Variants in QTRT2 observed in about 807,000 individuals in gnomAD.
QTRT2 encodes the protein queuine tRNA-ribosyltransferase accessory subunit 2, also known as queuine tRNA-ribosyltransferase domain containing 1.
In QTRT2, 32 loss-of-function variants were observed where a neutral mutation model predicts 44.8. That is an observed-to-expected ratio of 0.71 (90% CI 0.54 to 0.96). QTRT2 has a LOEUF of 0.96. Ranked by LOEUF, QTRT2 falls within the 40% of genes least tolerant of loss-of-function variation. The probability of loss-of-function intolerance (pLI) is 0.00; values close to 1 mark genes in which losing one functional copy is unlikely to be tolerated. For synonymous variants in QTRT2, 182 were observed against 187.4 expected, an observed-to-expected ratio of 0.97 and a Z score of 0.24; for missense variants, 461 against 503.1, an observed-to-expected ratio of 0.92 and a Z score of 0.80.
At chr3:114,067,586 G>C (rs1284392144) in intron 4 of QTRT2, among the ~76,000 whole-genome samples, 2 of 152,166 alleles carry the variant, frequency 1.3e-5, no homozygotes, top group Non-Finnish European at 2.9e-5. Flanking sequence ...TTATTAGTGA[G>C]ATCACTTTGT....
At position 114,079,965 on chromosome 3, in the gene QTRT2, A is replaced by C. The variant is rs769708745; in HGVS notation, c.806A>C (p.Asp269Ala). The C allele has an allele frequency of 6.2e-7, 1 of 1,613,812 alleles. No homozygotes were observed. Among genetic ancestry groups the C allele is most frequent in the Non-Finnish European group, 8.5e-7 (1 of 1,179,808 alleles). The change falls in exon 8 of 10, where the codon GAC becomes GCC. Residue 269 changes from aspartate to alanine, a missense_variant. Transcript: ENST00000281273. Reference sequence around the variant, plus strand: ...CTCGAGTGTATTGAAAGAGGAGTGGACTTATTTGAGAGTTTTTTCCCTTAT... The same window carrying C: ...CTCGAGTGTATTGAAAGAGGAGTGGCCTTATTTGAGAGTTTTTTCCCTTAT... ...EVLECIERGV[D>A]LFESFFPYQV... is the part of the protein sequence containing the mutation.
chr3:114,073,881 T>C (rs1253161827), intron 6 of QTRT2, among the ~76,000 whole-genome samples: 1 of 152,228 alleles, frequency 6.6e-6, no homozygotes, highest in Non-Finnish European at 1.5e-5. Flanking sequence ...AACTCTCTGC[T>C]TTGTGTTTCT....
chr3:114,082,071 C>T (rs1327451906), intron 8 of QTRT2, among the ~76,000 whole-genome samples: 2 of 151,890 alleles, frequency 1.3e-5, no homozygotes, highest in African/African-American at 4.8e-5. Context: ...GTCTGGGTTC[C>T]CTAGAGGGCC....
At chr3:114,072,308 G>A (rs751517503) in intron 6 of QTRT2, among the ~76,000 whole-genome samples, 2 of 151,952 alleles carry the variant, frequency 1.3e-5, no homozygotes, top group Non-Finnish European at 2.9e-5. Flanking sequence ...ATGCGCCACC[G>A]TGCCTGGCTA....
At chr3:114,071,665 C>T (rs539695702) in intron 6 of QTRT2, among the ~76,000 whole-genome samples, 2 of 152,240 alleles carry the variant, frequency 1.3e-5, no homozygotes, top group South Asian at 2.1e-4. Context: ...TTCACTCTTC[C>T]TTGATTCCAT....
chr3:114,070,941 ACTT>A, intron 6 of QTRT2, 103 bp downstream of exon 6: 1 of 821,706 alleles, frequency 1.2e-6, no homozygotes, highest in Non-Finnish European at 1.9e-6. Flanking sequence ...TGTGCTCCTC[ACTT>A]CTTTGTCTAT....
chr3:114,071,355 G>A (rs1438541427), intron 6 of QTRT2, among the ~76,000 whole-genome samples: 1 of 152,144 alleles, frequency 6.6e-6, no homozygotes, highest in Non-Finnish European at 1.5e-5. Context: ...CTGGAGTGCA[G>A]TGGTGCTATC....
At chr3:114,084,878 C>T (rs1322184695) in intron 9 of QTRT2, among the ~76,000 whole-genome samples, 2 of 152,096 alleles carry the variant, frequency 1.3e-5, no homozygotes, top group African/African-American at 2.4e-5. Flanking sequence ...ATAGTTATCT[C>T]CAAGAATGAA....
chr3:114,088,351 T>A lies in QTRT2; in HGVS notation c.*2447T>A, dbSNP rs1216649868. The A allele has an allele frequency of 1.3e-5, 2 of 152,182 alleles. No individual in the cohort carries two copies. Among genetic ancestry groups the A allele is most frequent in the Non-Finnish European group, 2.9e-5 (2 of 68,032 alleles). The allele number at this position is 152,182 out of a possible 1,614,324, so 9.4% of individuals were successfully genotyped here. ...ATAAAACATTTTTAATTTTAAAAAT[T>A]TACTGTGTTTGGCTTTCTGTAAATG... On this transcript the variant is annotated 3_prime_UTR_variant, in exon 10 of 10. Coordinates refer to ENST00000281273, the MANE Select transcript of QTRT2 (RefSeq NM_024638.4).
rs1197883334 is a variant in QTRT2 at position 114,056,872 on chromosome 3, C to T, written c.-130+8C>T. On this transcript the variant is annotated splice_region_variant and intron_variant, in intron 1 of 9. Transcript: ENST00000281273. ...CGAATGGTTTGTTGGCAGGTAAGTGCCCCTTTGCCCTGCTGGTGTGGGAGC... is the reference window on the plus strand; with the variant it reads ...CGAATGGTTTGTTGGCAGGTAAGTGTCCCTTTGCCCTGCTGGTGTGGGAGC... 9 of 1,535,806 alleles carry T rather than the reference C, an allele frequency of 5.9e-6. No individual in the cohort carries two copies. The East Asian group carries it at 2.2e-4, about 38-fold the overall frequency.
rs1455395075 is a variant in QTRT2, at chr3:114,086,438, C to G, written c.*534C>G. 6.2e-6 allele frequency: 1 copy of G among 162,046 alleles called. No homozygotes were observed. Among genetic ancestry groups the G allele is most frequent in the Non-Finnish European group, 1.4e-5 (1 of 73,084 alleles). 10.0% of individuals were successfully genotyped at this position (162,046 alleles called of 1,614,324 possible). ...AGCCAATCAGAAATGGCTCTTGTGA[C>G]TTAACTGGGCTTGGATATCCCTGGA... On this transcript the variant is annotated 3_prime_UTR_variant, in exon 10 of 10. Coordinates refer to ENST00000281273, the MANE Select transcript of QTRT2 (RefSeq NM_024638.4).
intron 9 of QTRT2, among the ~76,000 whole-genome samples, chr3:114,084,354 A>T (rs2077209204): frequency 6.6e-6 from 1 of 152,166 alleles, no homozygotes; most frequent in African/African-American, 2.4e-5. Context: ...ATGGTAGCTC[A>T]CATCTGTAAT....
intron 8 of QTRT2, among the ~76,000 whole-genome samples, chr3:114,082,295 C>T (rs753713587): frequency 4.0e-5 from 6 of 151,364 alleles, no homozygotes; most frequent in Admixed American, 6.6e-5. Context: ...TTTGCCCAGG[C>T]TGGTGGTGTA....
At chr3:114,076,998 G>A in intron 7 of QTRT2, 56 bp downstream of exon 7, 1 of 1,502,460 alleles carries the variant, frequency 6.7e-7, no homozygotes, top group Non-Finnish European at 9.2e-7. Flanking sequence ...AAGGAGTGCT[G>A]GCCGATTGTA....
intron 9 of QTRT2, 25 bp downstream of exon 9, chr3:114,082,819 T>A (rs1331193833): frequency 9.3e-7 from 1 of 1,077,144 alleles, no homozygotes; most frequent in African/African-American, 1.6e-5. Flanking sequence ...AAAGTTTGGA[T>A]TTTGCTTTCT....
intron 9 of QTRT2, among the ~76,000 whole-genome samples, chr3:114,083,846 T>TC (rs2077199605): frequency 6.6e-6 from 1 of 152,216 alleles, no homozygotes; most frequent in South Asian, 2.1e-4. Context: ...CCCTTTTTTT[T>TC]CTGTCATCCA....
chr3:114,075,504 A>ATTTTTTT (rs34436490), intron 6 of QTRT2, among the ~76,000 whole-genome samples: 1 of 118,754 alleles, frequency 8.4e-6, no homozygotes, highest in African/African-American at 3.3e-5. Flanking sequence ...AGTTTTACTG[A>ATTTTTTT]TTTTTTTTTT....
chr3:114,082,505 A>G (rs2077180431), intron 8 of QTRT2, 172 bp from the exon 9 acceptor site: 3 of 408,778 alleles, frequency 7.3e-6, no homozygotes, highest in South Asian at 7.1e-5. Flanking sequence ...GGACGGTGAC[A>G]GTCTTGGAGC....
Position 114,085,881 on chromosome 3 carries a change from C to T in QTRT2, c.1225C>T (p.Leu409Phe). 6.2e-7 allele frequency: 1 copy of T among 1,613,996 alleles called. No individual in the cohort carries two copies. Among genetic ancestry groups the T allele is most frequent in the Non-Finnish European group, 8.5e-7 (1 of 1,179,854 alleles). Residue 409 changes from leucine (L) to phenylalanine (F), a missense_variant, in exon 10 of 10, where the codon CTC becomes TTC. Physicochemically the swap from Leu to Phe is conservative, Grantham distance 22 (BLOSUM62 0). Transcript: ENST00000281273. ...KSDKLAQLKE[L>F]IHRQAS The stretch of plus-strand genomic sequence containing the variant: ...TGACAAACTGGCACAGTTGAAAGAG[C>T]TCATCCACAGGCAAGCATCTTGAGA...
Sources: allele counts gnomAD v4.1 joint callset (sites outside exome capture counted in the v4.1 genomes callset), GRCh38; gene constraint gnomAD v4.1.1; transcripts MANE v1.5; gene names NCBI Gene and HGNC (gene_info 2026-07-23, HGNC 2026-07-21).